KCNU1: variants seen among roughly 807,000 people sequenced by gnomAD.
KCNU1 encodes the protein potassium calcium-activated channel subfamily U member 1, also known as potassium channel subfamily U member 1.
In KCNU1, 93 loss-of-function variants were observed where a neutral mutation model predicts 126.8. The observed-to-expected ratio is 0.73, with a 90% confidence interval of 0.62 to 0.87. The LOEUF is 0.87. Among genes scored for constraint, KCNU1 ranks in the 40% least tolerant of loss-of-function variants. The pLI, the probability that KCNU1 is intolerant of heterozygous loss-of-function variation, is 0.00. For synonymous variants in KCNU1, 523 were observed against 494.2 expected, an observed-to-expected ratio of 1.06 and a Z score of -0.77; for missense variants, 1,330 against 1,367.1, an observed-to-expected ratio of 0.97 and a Z score of 0.43.
chr8:36,836,698 C>A, intron 13 of KCNU1, 95 bp from the exon 14 acceptor site: 1 of 1,068,892 alleles, frequency 9.4e-7, no homozygotes, highest in Non-Finnish European at 1.4e-6. Flanking sequence ...TATATGATTT[C>A]AAGTAAATTT....
chr8:36,849,357 G>T (rs1443606749), intron 18 of KCNU1, among the ~76,000 whole-genome samples: 1 of 152,190 alleles, frequency 6.6e-6, no homozygotes, highest in Non-Finnish European at 1.5e-5. Context: ...GGGAGGCTGA[G>T]GTGGGCCGAT....
At chr8:36,875,391 A>T (rs1229299842) in intron 19 of KCNU1, among the ~76,000 whole-genome samples, 2 of 148,870 alleles carry the variant, frequency 1.3e-5, no homozygotes, top group Non-Finnish European at 1.5e-5. Flanking sequence ...TATATTACAG[A>T]TATATAATAG....
rs767490761 is a variant in KCNU1, at chr8:36,879,191, ATG to A, written c.2009+14690_2009+14691del. The stretch of plus-strand genomic sequence containing the variant: ...ACTTGTGCAATTCAGGCATATATGT[ATG>A]TGTGTGTGTGTGTGTGTGTATATAT... On this transcript the variant is annotated intron_variant, in intron 19 of 26. Coordinates refer to ENST00000399881, the MANE Select transcript of KCNU1 (RefSeq NM_001031836.3). Among the ~76,000 whole-genome samples, 381 of 114,860 alleles carry A rather than the reference ATG, an allele frequency of 3.3e-3. 5 individuals are homozygous for A. The highest frequency in any genetic ancestry group is 5.2e-3 in the African/African-American group (161 of 31,154). 75.4% of individuals were successfully genotyped at this position (114,860 alleles called of 152,430 possible).
At chr8:36,835,836 C>G (rs1161842968) in intron 12 of KCNU1, among the ~76,000 whole-genome samples, 1 of 152,090 alleles carries the variant, frequency 6.6e-6, no homozygotes, top group Non-Finnish European at 1.5e-5. Flanking sequence ...TAGCAAGAAA[C>G]AGCTGAAAAT....
intron 7 of KCNU1, among the ~76,000 whole-genome samples, chr8:36,813,030 G>T (rs1407423620): frequency 6.6e-6 from 1 of 152,112 alleles, no homozygotes; most frequent in African/African-American, 2.4e-5. Flanking sequence ...AAATATGAAT[G>T]ATTTAAATCT....
At chr8:36,836,406 C>T in intron 13 of KCNU1, 41 bp downstream of exon 13, 1 of 1,316,454 alleles carries the variant, frequency 7.6e-7, no homozygotes, top group South Asian at 1.2e-5. Flanking sequence ...CTCCTTTTAT[C>T]TATATAGCTA....
intron 2 of KCNU1, among the ~76,000 whole-genome samples, chr8:36,798,052 C>G (rs1803170177): frequency 6.6e-6 from 1 of 152,152 alleles, no homozygotes; most frequent in Non-Finnish European, 1.5e-5. Context: ...TCCTTTCAGT[C>G]CCACCTACTC....
intron 2 of KCNU1, among the ~76,000 whole-genome samples, chr8:36,793,838 G>T (rs755337264): frequency 1.3e-5 from 2 of 151,972 alleles, no homozygotes; most frequent in Non-Finnish European, 1.5e-5. Flanking sequence ...GGTGGATCAT[G>T]AGGTCAGGAG....
At chr8:36,883,671 G>C (rs1563313939) in intron 19 of KCNU1, among the ~76,000 whole-genome samples, 1 of 151,990 alleles carries the variant, frequency 6.6e-6, no homozygotes, top group Non-Finnish European at 1.5e-5. Context: ...CATGCCTGTA[G>C]TCCCAGCTAC....
At position 36,784,440 on chromosome 8, in the gene KCNU1, T is replaced by C. The variant is rs748647937; in HGVS notation, c.30T>C (p.Thr10=). Residue 10 remains threonine (T), a synonymous_variant, in exon 1 of 27, where the codon ACT becomes ACC. Transcript: ENST00000399881. MFQTKLRNE[T]WEDLPKMSCT... ...TTCAGACTAAGCTACGAAATGAAAC[T>C]TGGGAAGACTTGCCAAAAATGTCCT... is the stretch of plus-strand genomic sequence containing the variant. 7 of 1,613,226 alleles carry C rather than the reference T, an allele frequency of 4.3e-6. No homozygotes were observed. The South Asian group carries it at 6.6e-5, about 15-fold the overall frequency.
chr8:36,842,208 T>C (rs1453565535), intron 16 of KCNU1, among the ~76,000 whole-genome samples: 2 of 152,200 alleles, frequency 1.3e-5, no homozygotes, highest in Admixed American at 6.5e-5. Context: ...TTTTCTAAAA[T>C]TGACATTACC....
chr8:36,800,242 A>G (rs1343633573), intron 2 of KCNU1, among the ~76,000 whole-genome samples: 1 of 152,040 alleles, frequency 6.6e-6, no homozygotes, highest in Non-Finnish European at 1.5e-5. Context: ...GGTTTAGAGT[A>G]CTCCTGGTGC....
chr8:36,792,092 A>T (rs1186574143), intron 2 of KCNU1, among the ~76,000 whole-genome samples: 1 of 152,126 alleles, frequency 6.6e-6, no homozygotes, highest in Non-Finnish European at 1.5e-5. Context: ...ATTTACGGAT[A>T]TTATTGTTTA....
chr8:36,922,673 G>A, intron 24 of KCNU1, 44 bp downstream of exon 24: 1 of 1,593,602 alleles, frequency 6.3e-7, no homozygotes, highest in Non-Finnish European at 8.5e-7. Flanking sequence ...CAAGCCCTCT[G>A]CAGAGAAGTG....
intron 10 of KCNU1, among the ~76,000 whole-genome samples, chr8:36,819,143 A>G (rs2130483164): frequency 6.6e-6 from 1 of 152,160 alleles, no homozygotes; most frequent in Non-Finnish European, 1.5e-5. Flanking sequence ...AAATTTTGTT[A>G]CTTTCATCTA....
chr8:36,922,435 T>G lies in KCNU1; in HGVS notation c.2597-55T>G, dbSNP rs886617281. Reference sequence around the variant, plus strand: ...CCCCTTGGCCTGCATGGATGGCACTTCTTATATTCTTAACCTGATCTGCTT... The same window carrying G: ...CCCCTTGGCCTGCATGGATGGCACTGCTTATATTCTTAACCTGATCTGCTT... On this transcript the variant is annotated intron_variant, in intron 23 of 26. Transcript: ENST00000399881. 10 of 1,551,962 alleles carry G rather than the reference T, an allele frequency of 6.4e-6. No homozygotes were observed. The Admixed American group carries it at 9.8e-5, about 15-fold the overall frequency.
At chr8:36,787,939 A>G (rs1689482788) in intron 2 of KCNU1, among the ~76,000 whole-genome samples, 1 of 150,826 alleles carries the variant, frequency 6.6e-6, no homozygotes, top group African/African-American at 2.4e-5. Context: ...TCCACTAGGA[A>G]GAAAGCTTTG....
At chr8:36,805,642 A>C (rs1385554982) in intron 4 of KCNU1, among the ~76,000 whole-genome samples, 8 of 152,162 alleles carry the variant, frequency 5.3e-5, no homozygotes, top group African/African-American at 1.9e-4. Flanking sequence ...GCATGCCTGC[A>C]ATACAACTGT....
At chr8:36,899,530 G>T (rs1395815914) in intron 19 of KCNU1, among the ~76,000 whole-genome samples, 1 of 152,080 alleles carries the variant, frequency 6.6e-6, no homozygotes, top group Non-Finnish European at 1.5e-5. Flanking sequence ...ATTTACAGAT[G>T]TTTTTTAAAT....
Sources: allele counts gnomAD v4.1 joint callset (sites outside exome capture counted in the v4.1 genomes callset), GRCh38; gene constraint gnomAD v4.1.1; transcripts MANE v1.5; gene names NCBI Gene and HGNC (gene_info 2026-07-23, HGNC 2026-07-21).